The following DIAPH3 variants were observed in gnomAD, a reference collection of about 807,000 sequenced individuals.
DIAPH3 encodes diaphanous related formin 3, also known as protein diaphanous homolog 3.
In DIAPH3, 117 loss-of-function variants were observed where a neutral mutation model predicts 144.3. That is an observed-to-expected ratio of 0.81 (90% CI 0.70 to 0.95). The LOEUF (loss-of-function observed/expected upper bound fraction) is 0.95. Among genes scored for constraint, DIAPH3 ranks in the 40% least tolerant of loss-of-function variants. DIAPH3 has a pLI of 0.00. For missense variants in DIAPH3, 1,421 were observed against 1,412.7 expected (o/e 1.01, Z -0.09); for synonymous variants, 519 against 488.9 (o/e 1.06, Z -0.81).
At chr13:59,953,810 T>C (rs2049230563) in intron 17 of DIAPH3, among the ~76,000 whole-genome samples, 1 of 152,176 alleles carries the variant, frequency 6.6e-6, no homozygotes, top group African/African-American at 2.4e-5. Flanking sequence ...ATATGATAAA[T>C]GGGATATTCC....
chr13:59,925,346 CAG>C (rs2047702804), intron 17 of DIAPH3, among the ~76,000 whole-genome samples: 1 of 152,056 alleles, frequency 6.6e-6, no homozygotes, highest in African/African-American at 2.4e-5. Flanking sequence ...GAAAAATTAA[CAG>C]AATAAATTTT....
chr13:60,121,993 G>A (rs1278864741), intron 2 of DIAPH3, among the ~76,000 whole-genome samples: 1 of 151,858 alleles, frequency 6.6e-6, no homozygotes, highest in Non-Finnish European at 1.5e-5. Flanking sequence ...CCCCTACCAT[G>A]CTATAGCAAT....
chr13:59,822,067 T>A (rs2041101290), intron 24 of DIAPH3, among the ~76,000 whole-genome samples: 1 of 152,170 alleles, frequency 6.6e-6, no homozygotes. Context: ...TTGCTATGAG[T>A]TTCTTTGCAA....
chr13:59,703,483 G>A (rs918945461), intron 27 of DIAPH3, among the ~76,000 whole-genome samples: 15 of 152,020 alleles, frequency 9.9e-5, no homozygotes, highest in Non-Finnish European at 2.2e-4. Flanking sequence ...GATATTTTCT[G>A]AGAGTCTTCC....
chr13:59,804,410 G>A (rs941934030), intron 25 of DIAPH3, among the ~76,000 whole-genome samples: 10 of 152,144 alleles, frequency 6.6e-5, no homozygotes, highest in Non-Finnish European at 1.3e-4. Flanking sequence ...ATATGACCTC[G>A]TGAGAAGACT....
chr13:60,002,652 A>G (rs339539), intron 9 of DIAPH3, among the ~76,000 whole-genome samples: 84,591 of 152,046 alleles, frequency 0.56, 24,077 homozygotes, highest in Admixed American at 0.61. Context: ...CAGCAACTTC[A>G]TGGGTACTGG....
intron 9 of DIAPH3, among the ~76,000 whole-genome samples, chr13:60,007,689 A>AT (rs1320634045): frequency 6.6e-6 from 1 of 152,188 alleles, no homozygotes; most frequent in Non-Finnish European, 1.5e-5. Flanking sequence ...CTTTTGAACA[A>AT]TTATACCAAT....
At chr13:59,885,702 T>C (rs1445864879) in intron 20 of DIAPH3, among the ~76,000 whole-genome samples, 1 of 151,964 alleles carries the variant, frequency 6.6e-6, no homozygotes, top group Non-Finnish European at 1.5e-5. Flanking sequence ...TTGGAAACAG[T>C]TTTAGCATAC....
chr13:60,142,936 T>A (rs769321040), intron 1 of DIAPH3, among the ~76,000 whole-genome samples: 4 of 151,384 alleles, frequency 2.6e-5, no homozygotes, highest in Non-Finnish European at 5.9e-5. Context: ...TTTTTTTTTA[T>A]AGACGGCGGT....
chr13:59,917,145 TAAAG>T (rs1274378470), intron 18 of DIAPH3, among the ~76,000 whole-genome samples: 1 of 152,166 alleles, frequency 6.6e-6, no homozygotes, highest in Non-Finnish European at 1.5e-5. Context: ...TATTTCTAGA[TAAAG>T]AAACTATGTT....
At chr13:59,916,109 A>C (rs971871358) in intron 19 of DIAPH3, 46 bp downstream of exon 19, 1 of 1,501,184 alleles carries the variant, frequency 6.7e-7, no homozygotes, top group South Asian at 1.1e-5. Context: ...TTTAATGAGA[A>C]GCTTGCAATG....
At chr13:59,788,038 C>G (rs1006627878) in intron 25 of DIAPH3, among the ~76,000 whole-genome samples, 1 of 152,154 alleles carries the variant, frequency 6.6e-6, no homozygotes, top group Non-Finnish European at 1.5e-5. Flanking sequence ...TCATAAGCTA[C>G]TCAGTTTATG....
At chr13:59,838,436 A>C (rs2042156693) in intron 23 of DIAPH3, 1 of 152,030 alleles carries the variant, frequency 6.6e-6, no homozygotes, top group Admixed American at 6.6e-5. Flanking sequence ...ACACACATAC[A>C]TACCGATTTA....
intron 27 of DIAPH3, among the ~76,000 whole-genome samples, chr13:59,668,116 A>T (rs2032129331): frequency 6.6e-6 from 1 of 152,226 alleles, no homozygotes; most frequent in Non-Finnish European, 1.5e-5. Flanking sequence ...GGCAACTGTT[A>T]CTCAAAAATC....
chr13:59,806,898 A>T (rs2040226656), intron 25 of DIAPH3, among the ~76,000 whole-genome samples: 1 of 151,886 alleles, frequency 6.6e-6, no homozygotes, highest in Non-Finnish European at 1.5e-5. Context: ...ATTTAAAAGT[A>T]TAAAAAACTG....
At chr13:60,045,803 ATAAG>A (rs1387560789) in intron 4 of DIAPH3, among the ~76,000 whole-genome samples, 1 of 152,206 alleles carries the variant, frequency 6.6e-6, no homozygotes, top group Non-Finnish European at 1.5e-5. Flanking sequence ...TTCTTCAACA[ATAAG>A]TAAGCTCCAT....
rs2050959710 is a variant in DIAPH3, at chr13:59,980,845, G to C, written c.1495C>G (p.Gln499Glu). Residue 499 changes from glutamine to glutamate, a missense_variant, in exon 14 of 28, where the codon CAA becomes GAA. Coordinates refer to ENST00000400324, the MANE Select transcript of DIAPH3 (RefSeq NM_001042517.2). ...LTQFVDICID[Q>E]AKLEEFEEKA... Reference sequence around the variant, plus strand: ...TCTTCAAACTCTTCTAGTTTTGCTTGATCTATGCAAATGTCTAAAATTGCA... The same window carrying C: ...TCTTCAAACTCTTCTAGTTTTGCTTCATCTATGCAAATGTCTAAAATTGCA... 1 of 1,608,886 alleles carries C rather than the reference G, an allele frequency of 6.2e-7. No individual in the cohort carries two copies. The highest frequency in any genetic ancestry group is 8.5e-7 in the Non-Finnish European group (1 of 1,177,096).
intron 3 of DIAPH3, among the ~76,000 whole-genome samples, chr13:60,096,094 G>A (rs2058096487): frequency 6.6e-6 from 1 of 152,130 alleles, no homozygotes; most frequent in Non-Finnish European, 1.5e-5. Flanking sequence ...CTTAATTTAT[G>A]AACATAGGTA....
intron 27 of DIAPH3, among the ~76,000 whole-genome samples, chr13:59,681,329 A>G (rs2032934096): frequency 6.6e-6 from 1 of 152,106 alleles, no homozygotes; most frequent in Non-Finnish European, 1.5e-5. Flanking sequence ...AGAAATAATT[A>G]GCCAGGGCAT....
Sources: allele counts gnomAD v4.1 joint callset (sites outside exome capture counted in the v4.1 genomes callset), GRCh38; gene constraint gnomAD v4.1.1; transcripts MANE v1.5; gene names NCBI Gene and HGNC (gene_info 2026-07-23, HGNC 2026-07-21).